Variants in SLC12A4 observed in about 807,000 individuals in gnomAD.
SLC12A4 encodes solute carrier family 12 member 4.
A neutral mutation model predicts 119.2 loss-of-function variants in SLC12A4; 84 were observed. The ratio of observed to expected loss-of-function variants is 0.70; its 90% confidence interval spans 0.59 to 0.85. SLC12A4 has a LOEUF of 0.85. SLC12A4 is among the 40% of genes least tolerant of loss of function. The probability of loss-of-function intolerance (pLI) is 0.00; values close to 1 mark genes in which losing one functional copy is unlikely to be tolerated. For missense variants in SLC12A4, 1,298 were observed against 1,476.3 expected (o/e 0.88, Z 1.98); for synonymous variants, 599 against 604.6 (o/e 0.99, Z 0.14).
rs913267495 is a variant in SLC12A4, at chr16:67,950,050, G to C, written c.1630-132C>G. On this transcript the variant is annotated intron_variant, in intron 12 of 23. Coordinates refer to ENST00000316341, the MANE Select transcript of SLC12A4 (RefSeq NM_005072.5). This position sits in a 1 kb window ranked among gnomAD's most constrained non-coding sequence, Gnocchi z 4.3. ...AGGCCGCCCCTGTGTCTATCCCTAT[G>C]GGTGTCACCAGTCTCCCTGATTCCA... The C allele has an allele frequency of 1.5e-5, 11 of 745,958 alleles. No individual in the cohort carries two copies. The highest frequency in any genetic ancestry group is 2.0e-5 in the Non-Finnish European group (9 of 440,954). The allele number at this position is 745,958 out of a possible 1,614,324, so 46.2% of individuals were successfully genotyped here.
chr16:67,957,447 G>T, intron 5 of SLC12A4: 1 of 353,152 alleles, frequency 2.8e-6, no homozygotes. Flanking sequence ...GGGATTACAG[G>T]CATGAGCCAC....
At position 67,950,184 on chromosome 16, in the gene SLC12A4, G is replaced by T; in HGVS notation, c.1629+135C>A. 9.4e-7 allele frequency: 1 copy of T among 1,064,004 alleles called. No homozygotes were observed. The highest frequency in any genetic ancestry group is 1.3e-6 in the Non-Finnish European group (1 of 746,992). The allele number at this position is 1,064,004 out of a possible 1,614,324, so 65.9% of individuals were successfully genotyped here. On this transcript the variant is annotated intron_variant, in intron 12 of 23. Coordinates refer to ENST00000316341, the MANE Select transcript of SLC12A4 (RefSeq NM_005072.5). The surrounding 1 kb of genome is among the most constrained non-coding windows in gnomAD (Gnocchi z 4.3). Reference sequence around the variant, plus strand: ...GCCAGGCCCAGGGCACTTCTCAGTAGCTCCTCATGGATGGCCGCCTGGCCC... The same window carrying T: ...GCCAGGCCCAGGGCACTTCTCAGTATCTCCTCATGGATGGCCGCCTGGCCC...
chr16:67,963,321 C>A, intron 2 of SLC12A4, 144 bp downstream of exon 2: 1 of 503,148 alleles, frequency 2.0e-6, no homozygotes, highest in Non-Finnish European at 3.5e-6. Context: ...GCCAAGGGAA[C>A]TGCAGCCCGG....
At position 67,945,581 on chromosome 16, in the gene SLC12A4, G is replaced by A. The variant is rs779051062; in HGVS notation, c.2848-28C>T. ...GAGGACAATTGCAGGAGATAGCCTTGGTCCCATAGGAAAAGGGGGATGGGG... is the reference window on the plus strand; with the variant it reads ...GAGGACAATTGCAGGAGATAGCCTTAGTCCCATAGGAAAAGGGGGATGGGG... On this transcript the variant is annotated intron_variant, in intron 21 of 23. Transcript: ENST00000316341. The A allele has an allele frequency of 5.6e-6, 9 of 1,602,672 alleles. No homozygotes were observed. The South Asian group carries it at 8.9e-5, about 16-fold the overall frequency.
rs371187744 is a variant in SLC12A4 at position 67,951,189 on chromosome 16, G to A, written c.1248C>T (p.Ile416=). Residue 416 remains isoleucine, a synonymous_variant, in exon 9 of 24, where the codon ATC becomes ATT. Coordinates refer to ENST00000316341, the MANE Select transcript of SLC12A4 (RefSeq NM_005072.5). This position sits in a 1 kb window ranked among gnomAD's most constrained non-coding sequence, Gnocchi z 5.2. The part of the protein sequence containing the change: ...ESLPLYVVAD[I]ATSFTVLVGI... ...CGACCAGCACGGTGAAGGATGTGGCGATGTCAGCGACCACGTACAGAGGCA... is the reference window on the plus strand; with the variant it reads ...CGACCAGCACGGTGAAGGATGTGGCAATGTCAGCGACCACGTACAGAGGCA... 89 of 1,614,086 alleles carry A rather than the reference G, an allele frequency of 5.5e-5. 1 individual carries two copies. The South Asian group carries it at 8.0e-4, about 15-fold the overall frequency.
In SLC12A4 at chr16:67,950,572, G is replaced by A; in HGVS notation, c.1455-79C>T. On this transcript the variant is annotated intron_variant, in intron 11 of 23. Transcript: ENST00000316341. This position sits in a 1 kb window ranked among gnomAD's most constrained non-coding sequence, Gnocchi z 4.3. ...CCACCAAAGGCAGCCAGCAGGCTTA[G>A]GACCACCCACGGGGTTGGGAGCTGG... 2 of 1,608,708 alleles carry A rather than the reference G, an allele frequency of 1.2e-6. No individual in the cohort carries two copies. Among genetic ancestry groups the A allele is most frequent in the Non-Finnish European group, 1.7e-6 (2 of 1,176,792 alleles).
At chr16:67,953,930 T>C (rs1447591158) in intron 6 of SLC12A4, among the ~76,000 whole-genome samples, 2 of 151,972 alleles carry the variant, frequency 1.3e-5, no homozygotes, top group South Asian at 2.1e-4. Flanking sequence ...AGAAGGGATA[T>C]GAGAAATGAA....
chr16:67,944,165 G>A lies in SLC12A4; in HGVS notation c.*675C>T. 2.6e-6 allele frequency: 4 copies of A among 1,521,112 alleles called. No individual in the cohort carries two copies. The highest frequency in any genetic ancestry group is 2.0e-5 in the Admixed American group (1 of 49,816). The allele number at this position is 1,521,112 out of a possible 1,614,324, so 94.2% of individuals were successfully genotyped here. A position where few individuals can be genotyped will look rare whatever the true frequency, so the allele number is the denominator to read the frequency against. ...GGCTGTCCTTATCTGGTGTGGGAGT[G>A]GGAGGGGCCCTAGGGCCAGTGGGAG... On this transcript the variant is annotated 3_prime_UTR_variant, in exon 24 of 24. Coordinates refer to ENST00000316341, the MANE Select transcript of SLC12A4 (RefSeq NM_005072.5). The surrounding 1 kb of genome is among the most constrained non-coding windows in gnomAD (Gnocchi z 6.6).
At chr16:67,967,735 G>C (rs1483757217) in intron 1 of SLC12A4, among the ~76,000 whole-genome samples, 1 of 152,114 alleles carries the variant, frequency 6.6e-6, no homozygotes, top group African/African-American at 2.4e-5. Context: ...GACTGCCCCT[G>C]GGCAAGTTAT....
intron 6 of SLC12A4, 27 bp from the exon 7 acceptor site, chr16:67,952,452 G>A (rs1392474953): frequency 6.2e-7 from 1 of 1,608,096 alleles, no homozygotes; most frequent in Non-Finnish European, 8.5e-7. Flanking sequence ...GATAAGGAGG[G>A]TTTTATTTCT....
In SLC12A4 at chr16:67,944,568, C is replaced by G; in HGVS notation, c.*272G>C. On this transcript the variant is annotated 3_prime_UTR_variant, in exon 24 of 24. Coordinates refer to ENST00000316341, the MANE Select transcript of SLC12A4 (RefSeq NM_005072.5). The surrounding 1 kb of genome is among the most constrained non-coding windows in gnomAD (Gnocchi z 6.6). ...GGGCCGGCTGCCTTCAAACCCCACT[C>G]GGCCCCTACCAGTCTTCTCTGGCCA... 3.1e-6 allele frequency: 4 copies of G among 1,304,954 alleles called. No homozygotes were observed. Among genetic ancestry groups the G allele is most frequent in the Non-Finnish European group, 3.9e-6 (4 of 1,027,858 alleles). The allele number at this position is 1,304,954 out of a possible 1,614,324, so 80.8% of individuals were successfully genotyped here.
At chr16:67,966,709 C>T (rs1167963627) in intron 1 of SLC12A4, 1 of 1,550,472 alleles carries the variant, frequency 6.4e-7, no homozygotes. Flanking sequence ...TGCTTTGTGC[C>T]CTCTGACCCT....
rs550087244 is a variant in SLC12A4, at chr16:67,950,267, C to G, written c.1629+52G>C. On this transcript the variant is annotated intron_variant, in intron 12 of 23. Transcript: ENST00000316341. This position sits in a 1 kb window ranked among gnomAD's most constrained non-coding sequence, Gnocchi z 4.3. ...TGTGTTCCCTATCTCTCTCCCCAGC[C>G]GGGCGAGGGCCTGGGAGCAGCCAGG... 6.3e-7 allele frequency: 1 copy of G among 1,583,038 alleles called. No individual in the cohort carries two copies. Among genetic ancestry groups the G allele is most frequent in the African/African-American group, 1.4e-5 (1 of 74,066 alleles).
Position 67,952,064 on chromosome 16 carries a change from T to C in SLC12A4, c.918-27A>G. 4 of 1,610,758 alleles carry C rather than the reference T, an allele frequency of 2.5e-6. No individual in the cohort carries two copies. In the South Asian group the frequency reaches 4.4e-5, roughly 18 times the overall value. On this transcript the variant is annotated intron_variant, in intron 7 of 23. Coordinates refer to ENST00000316341, the MANE Select transcript of SLC12A4 (RefSeq NM_005072.5). Reference sequence around the variant, plus strand: ...TGTGAGGGACAGAAGCACCGGCACCTGCTCAGGTCAAAGCCCCTGCCTGTG... The same window carrying C: ...TGTGAGGGACAGAAGCACCGGCACCCGCTCAGGTCAAAGCCCCTGCCTGTG...
chr16:67,948,072 C>A lies in SLC12A4; in HGVS notation c.1836G>T (p.Lys612Asn). Residue 612 changes from lysine (K) to asparagine (N), a missense_variant, in exon 14 of 24, where the codon AAG (lysine) becomes AAT (asparagine). Lys to Asn is a moderately conservative substitution (Grantham distance 94). Coordinates refer to ENST00000316341, the MANE Select transcript of SLC12A4 (RefSeq NM_005072.5). ...LRTPNWRPRF[K>N]YYHWALSFLG... is the part of the protein sequence containing the mutation. Reference sequence around the variant, plus strand: ...GAGGCATGGCTCACCAGTGATAGTACTTGAACCGGGGCCGCCAGTTGGGGG... The same window carrying A: ...GAGGCATGGCTCACCAGTGATAGTAATTGAACCGGGGCCGCCAGTTGGGGG... 6.2e-7 allele frequency: 1 copy of A among 1,613,104 alleles called. No individual in the cohort carries two copies. The highest frequency in any genetic ancestry group is 8.5e-7 in the Non-Finnish European group (1 of 1,179,954).
Position 67,946,472 on chromosome 16 carries a change from C to A in SLC12A4, c.2403G>T (p.Gln801His). The A allele has an allele frequency of 1.9e-6, 3 of 1,607,350 alleles. No homozygotes were observed. The highest frequency in any genetic ancestry group is 2.5e-6 in the Non-Finnish European group (3 of 1,179,960). ...TCTTCCAGGCACGGGGGTCCTCGCTCTGTCGCCAGCCGTAGGGCCAGCCCA... is the reference window on the plus strand; with the variant it reads ...TCTTCCAGGCACGGGGGTCCTCGCTATGTCGCCAGCCGTAGGGCCAGCCCA... ...VVLGWPYGWR[Q>H]SEDPRAWKTF... Residue 801 changes from glutamine (Q) to histidine (H), a missense_variant, in exon 18 of 24, where the codon CAG becomes CAT. Coordinates refer to ENST00000316341, the MANE Select transcript of SLC12A4 (RefSeq NM_005072.5).
Position 67,946,374 on chromosome 16 carries a change from G to C in SLC12A4, c.2438-34C>G, listed in dbSNP as rs759283262. The stretch of plus-strand genomic sequence containing the variant: ...GAGGAGCACGGCTGACCACCAGTCT[G>C]TGGCCCTCCGCCCACTGCCACCTCA... On this transcript the variant is annotated intron_variant, in intron 18 of 23. Coordinates refer to ENST00000316341, the MANE Select transcript of SLC12A4 (RefSeq NM_005072.5). 5 of 1,604,204 alleles carry C rather than the reference G, an allele frequency of 3.1e-6. No homozygotes were observed. In the East Asian group the frequency reaches 1.1e-4, roughly 36 times the overall value.
intron 16 of SLC12A4, 23 bp from the exon 17 acceptor site, chr16:67,947,128 G>A (rs1176986452): frequency 4.5e-6 from 7 of 1,565,066 alleles, no homozygotes; most frequent in Non-Finnish European, 5.2e-6. Flanking sequence ...GGTGGGGGGA[G>A]CCTGAGACCA....
Position 67,950,409 on chromosome 16 carries a change from A to G in SLC12A4, c.1539T>C (p.Phe513=). 6.2e-7 allele frequency: 1 copy of G among 1,614,012 alleles called. No individual in the cohort carries two copies. The highest frequency in any genetic ancestry group is 8.5e-7 in the Non-Finnish European group (1 of 1,180,020). ...SPWVIVIGSF[F]STCGAGLQSL... is the part of the protein sequence containing the mutation. ...TCTGGAGGCCAGCGCCACACGTTGA[A>G]AAGAAGGAGCCGATGACGATGACCC... Residue 513 remains phenylalanine, a synonymous_variant, in exon 12 of 24, where the codon TTT becomes TTC. Transcript: ENST00000316341. The surrounding 1 kb of genome is among the most constrained non-coding windows in gnomAD (Gnocchi z 4.3).
Sources: allele counts gnomAD v4.1 joint callset (sites outside exome capture counted in the v4.1 genomes callset), GRCh38; gene constraint gnomAD v4.1.1; non-coding constraint Gnocchi (gnomAD v3.1); transcripts MANE v1.5; gene names NCBI Gene and HGNC (gene_info 2026-07-23, HGNC 2026-07-21).